The following GPC5 variants were observed in gnomAD, a reference collection of about 807,000 sequenced individuals.
GPC5 encodes the protein glypican 5, also known as glypican-5.
GPC5 carries 47 observed loss-of-function variants against 53.9 expected under a neutral mutation model. That is an observed-to-expected ratio of 0.87 (90% CI 0.69 to 1.11). GPC5 has a LOEUF of 1.11. GPC5 is among the 50% of genes most tolerant of loss of function. The pLI is 0.00. For missense variants in GPC5, 748 were observed against 713.1 expected, an observed-to-expected ratio of 1.05 and a Z score of -0.56; for synonymous variants, 286 against 263.3, an observed-to-expected ratio of 1.09 and a Z score of -0.84.
intron 2 of GPC5, among the ~76,000 whole-genome samples, chr13:91,465,513 GTTGTTGTGAATACATTTGAAA>G (rs1347817168): frequency 6.6e-6 from 1 of 151,950 alleles, no homozygotes; most frequent in Middle Eastern, 3.4e-3. Context: ...CTTGTGTTGT[GTTGTTGTGAATACATTTGAAA>G]TTGTTGACAC....
intron 2 of GPC5, among the ~76,000 whole-genome samples, chr13:91,485,379 A>T (rs1883547722): frequency 6.6e-6 from 1 of 151,612 alleles, no homozygotes; most frequent in African/African-American, 2.4e-5. Flanking sequence ...TGCCCAGCTA[A>T]TTTTTTTTGT....
chr13:91,667,314 G>GT, intron 2 of GPC5, among the ~76,000 whole-genome samples: 1 of 152,000 alleles, frequency 6.6e-6, no homozygotes, highest in African/African-American at 2.4e-5. Flanking sequence ...ATGTGTGTGT[G>GT]GGTATGTGTG....
At chr13:92,291,563 TA>T (rs750043391) in intron 7 of GPC5, among the ~76,000 whole-genome samples, 32 of 152,088 alleles carry the variant, frequency 2.1e-4, no homozygotes, top group Non-Finnish European at 4.0e-4. Context: ...TGGCTCTCTG[TA>T]AAATGGACCA....
intron 5 of GPC5, among the ~76,000 whole-genome samples, chr13:91,857,612 T>A (rs2038980828): frequency 6.6e-6 from 1 of 151,204 alleles, no homozygotes; most frequent in Non-Finnish European, 1.5e-5. Context: ...GTTTCATTCT[T>A]TTTTCTTGCT....
chr13:92,445,134 T>C (rs923456431), intron 7 of GPC5, among the ~76,000 whole-genome samples: 11 of 151,972 alleles, frequency 7.2e-5, no homozygotes, highest in African/African-American at 2.7e-4. Context: ...AAATTTTTTC[T>C]TTCATTTATT....
At chr13:92,826,694 A>G (rs1362036194) in intron 7 of GPC5, among the ~76,000 whole-genome samples, 1 of 152,160 alleles carries the variant, frequency 6.6e-6, no homozygotes. Context: ...AAGGGTGTAC[A>G]ATTCCTAGAT....
chr13:91,405,115 A>T (rs1330065), intron 1 of GPC5, among the ~76,000 whole-genome samples: 80,065 of 152,130 alleles, frequency 0.53, 23,374 homozygotes, highest in South Asian at 0.66. Flanking sequence ...AGTCACATAC[A>T]TGGCTGAGGA....
At chr13:91,895,746 G>C (rs1002732583) in intron 5 of GPC5, among the ~76,000 whole-genome samples, 1 of 152,034 alleles carries the variant, frequency 6.6e-6, no homozygotes, top group East Asian at 1.9e-4. Flanking sequence ...TTTGGGGGTG[G>C]TATTAGTTTT....
chr13:91,476,055 A>G (rs779480175), intron 2 of GPC5, among the ~76,000 whole-genome samples: 1 of 152,238 alleles, frequency 6.6e-6, no homozygotes, highest in Non-Finnish European at 1.5e-5. Flanking sequence ...CTAAAAGCAT[A>G]CCTGCATTGT....
intron 7 of GPC5, among the ~76,000 whole-genome samples, chr13:92,566,816 A>C (rs1242409347): frequency 6.6e-6 from 1 of 152,164 alleles, no homozygotes; most frequent in African/African-American, 2.4e-5. Context: ...GCTAAATAGC[A>C]TAATGCCAAA....
At chr13:91,908,139 T>A in intron 6 of GPC5, 82 bp downstream of exon 6, 1 of 1,128,638 alleles carries the variant, frequency 8.9e-7, no homozygotes, top group Non-Finnish European at 1.2e-6. Context: ...ATAAATTTGT[T>A]AATCCTGTCA....
At chr13:92,298,023 C>G (rs1294507699) in intron 7 of GPC5, among the ~76,000 whole-genome samples, 1 of 152,020 alleles carries the variant, frequency 6.6e-6, no homozygotes, top group Non-Finnish European at 1.5e-5. Context: ...TCAGTGAGAC[C>G]AAGAACCCAC....
chr13:91,756,208 A>C, intron 4 of GPC5, 87 bp from the exon 5 acceptor site: 1 of 964,486 alleles, frequency 1.0e-6, no homozygotes, highest in East Asian at 2.8e-5. Context: ...TTATATCCTA[A>C]ACATTATGTA....
At chr13:91,657,354 G>A (rs1216667937) in intron 2 of GPC5, among the ~76,000 whole-genome samples, 5 of 152,090 alleles carry the variant, frequency 3.3e-5, no homozygotes, top group Non-Finnish European at 7.4e-5. Context: ...GATGGATGCT[G>A]GTGCTATTAA....
At chr13:92,129,182 T>A (rs2041724118) in intron 6 of GPC5, among the ~76,000 whole-genome samples, 1 of 152,120 alleles carries the variant, frequency 6.6e-6, no homozygotes, top group South Asian at 2.1e-4. Context: ...TGAGATTAAA[T>A]CTGAGACTAA....
chr13:91,714,156 A>G (rs750761955), intron 3 of GPC5, among the ~76,000 whole-genome samples: 1 of 152,160 alleles, frequency 6.6e-6, no homozygotes, highest in Non-Finnish European at 1.5e-5. Flanking sequence ...TCTCTCACCA[A>G]CAACTCACCT....
intron 7 of GPC5, among the ~76,000 whole-genome samples, chr13:92,845,813 ATTGT>A (rs1333790000): frequency 2.6e-5 from 4 of 152,166 alleles, no homozygotes; most frequent in African/African-American, 7.2e-5. Flanking sequence ...TAATTTTATC[ATTGT>A]TTGATTTTAA....
At chr13:92,797,548 A>G (rs905028019) in intron 7 of GPC5, among the ~76,000 whole-genome samples, 25 of 151,914 alleles carry the variant, frequency 1.6e-4, no homozygotes, top group African/African-American at 5.8e-4. Flanking sequence ...GAGATCAGAA[A>G]AACCTCACCT....
intron 7 of GPC5, among the ~76,000 whole-genome samples, chr13:92,409,677 A>T (rs1437507256): frequency 3.3e-5 from 5 of 152,124 alleles, no homozygotes; most frequent in African/African-American, 1.2e-4. Flanking sequence ...TGTTTCAAAG[A>T]ATCTATCCTA....
Sources: allele counts gnomAD v4.1 joint callset (sites outside exome capture counted in the v4.1 genomes callset), GRCh38; gene constraint gnomAD v4.1.1; transcripts MANE v1.5; gene names NCBI Gene and HGNC (gene_info 2026-07-23, HGNC 2026-07-21).